DGAT2L6: variants seen among roughly 807,000 people sequenced by gnomAD.
The protein encoded by DGAT2L6 is diacylglycerol O-acyltransferase 2-like protein 6.
A neutral mutation model predicts 25.5 loss-of-function variants in DGAT2L6; 22 were observed. The observed-to-expected ratio is 0.86, with a 90% CI of 0.62 to 1.23. The LOEUF (loss-of-function observed/expected upper bound fraction) is 1.23. Among genes scored for constraint, DGAT2L6 ranks in the 50% most tolerant of loss-of-function variants. The probability of loss-of-function intolerance (pLI) is 0.00; values close to 1 mark genes in which losing one functional copy is unlikely to be tolerated. For missense variants in DGAT2L6, 287 were observed against 253.2 expected (o/e 1.13, Z -0.91); for synonymous variants, 100 against 94.7 (o/e 1.06, Z -0.32).
chrX:70,191,353 T>C (rs988272144), intron 1 of DGAT2L6, among the ~76,000 whole-genome samples: 1 of 111,698 alleles, frequency 9.0e-6, no homozygotes, highest in Non-Finnish European at 1.9e-5. Context: ...CTGGAGCTGA[T>C]GTATACAATG....
intron 1 of DGAT2L6, among the ~76,000 whole-genome samples, chrX:70,193,927 G>C (rs755483723): frequency 2.7e-5 from 3 of 111,707 alleles, no homozygotes; most frequent in Non-Finnish European, 3.8e-5. Context: ...GAAATAAAAG[G>C]CATCTAAATT....
chrX:70,177,667 G>A lies in DGAT2L6; in HGVS notation c.85G>A (p.Gly29Arg). The change falls in exon 1 of 7, where the codon GGA (glycine) becomes AGA (arginine). Residue 29 changes from glycine (G) to arginine (R), a missense_variant and splice_region_variant. By Grantham distance (125) the Gly-to-Arg change is moderately radical. Coordinates refer to ENST00000333026, the MANE Select transcript of DGAT2L6 (RefSeq NM_198512.3). ...LQWIPVYIFL[G>R]AIPILLIPYF... ...ATGGATCCCAGTCTATATATTTTTA[G>A]GTGAGTGAACCCCAAGGGCTGGAGA... 1 of 1,205,025 alleles carries A rather than the reference G, an allele frequency of 8.3e-7. No homozygotes were observed. The highest frequency in any genetic ancestry group is 1.1e-6 in the Non-Finnish European group (1 of 890,390).
intron 5 of DGAT2L6, 29 bp downstream of exon 5, chrX:70,202,093 G>A (rs2085412689): frequency 8.8e-7 from 1 of 1,135,207 alleles, no homozygotes; most frequent in Non-Finnish European, 1.2e-6. Flanking sequence ...GTGCTCTGTT[G>A]TCAGGGTGCC....
At chrX:70,193,708 A>T (rs2085382401) in intron 1 of DGAT2L6, among the ~76,000 whole-genome samples, 1 of 112,130 alleles carries the variant, frequency 8.9e-6, no homozygotes, top group African/African-American at 3.2e-5. Context: ...TCTTTCCATG[A>T]TAAAAACTCT....
chrX:70,204,436 A>G lies in DGAT2L6; in HGVS notation c.779A>G (p.Asn260Ser). ...QDTFKKILGL[N>S]FCTFHGRGFT... is the part of the protein sequence containing the mutation. ...ACATTCAAAAAAATCCTGGGACTAA[A>G]TTTCTGTACCTTCCATGGCCGGGGC... The change falls in exon 6 of 7, where the codon AAT (asparagine) becomes AGT (serine). Residue 260 changes from asparagine (N) to serine (S), a missense_variant. Transcript: ENST00000333026. 1 of 1,211,224 alleles carries G rather than the reference A, an allele frequency of 8.3e-7. No homozygotes were observed. The highest frequency in any genetic ancestry group is 1.1e-6 in the Non-Finnish European group (1 of 895,380).
chrX:70,193,522 T>C (rs1264888438), intron 1 of DGAT2L6, among the ~76,000 whole-genome samples: 2 of 110,815 alleles, frequency 1.8e-5, no homozygotes, highest in African/African-American at 6.6e-5. Context: ...CAAACCAAAT[T>C]CAACAGCACA....
At chrX:70,187,557 A>C (rs1157948767) in intron 1 of DGAT2L6, among the ~76,000 whole-genome samples, 1 of 112,143 alleles carries the variant, frequency 8.9e-6, no homozygotes, top group South Asian at 3.7e-4. Context: ...TTATATTTAT[A>C]GTTAACTTAG....
chrX:70,190,889 T>C (rs2085373581), intron 1 of DGAT2L6, among the ~76,000 whole-genome samples: 1 of 112,184 alleles, frequency 8.9e-6, no homozygotes, highest in Admixed American at 9.4e-5. Flanking sequence ...TCCATGCCCA[T>C]GGAGGCAGGC....
intron 1 of DGAT2L6, among the ~76,000 whole-genome samples, chrX:70,179,562 C>CTTTTTT (rs3084451): frequency 1.1e-4 from 7 of 64,232 alleles, no homozygotes; most frequent in East Asian, 1.1e-3. Flanking sequence ...TCTGAGGCAG[C>CTTTTTT]TTTTTTTTTT....
At chrX:70,201,312 A>G (rs919016920) in intron 4 of DGAT2L6, among the ~76,000 whole-genome samples, 4 of 112,460 alleles carry the variant, frequency 3.6e-5, no homozygotes, top group African/African-American at 9.7e-5. Context: ...GATGGGAGAC[A>G]GAAGTGAGAA....
rs185214455 is a variant in DGAT2L6, at chrX:70,200,956, C to A, written c.472+497C>A. Among the ~76,000 whole-genome samples, 375 of 111,882 alleles carry A rather than the reference C, an allele frequency of 3.4e-3. 1 individual carries two copies. The highest frequency in any genetic ancestry group is 5.0e-3 in the Non-Finnish European group (264 of 53,152). On this transcript the variant is annotated intron_variant, in intron 4 of 6. Transcript: ENST00000333026. ...GTCCATGACTTTTATCTCCCTGGAA[C>A]CCCTTCACACTTGCATAAAATACTA...
At chrX:70,185,660 TC>T (rs2085357222) in intron 1 of DGAT2L6, among the ~76,000 whole-genome samples, 1 of 111,330 alleles carries the variant, frequency 9.0e-6, no homozygotes, top group African/African-American at 3.3e-5. Context: ...TTTACTCCTT[TC>T]ACCCTCCCCT....
chrX:70,203,282 T>C (rs781337762), intron 5 of DGAT2L6, among the ~76,000 whole-genome samples: 3 of 112,501 alleles, frequency 2.7e-5, no homozygotes, highest in East Asian at 5.6e-4. Context: ...AAATCCATTG[T>C]ATTCACTGAT....
Position 70,201,877 on chromosome X carries a change from T to C in DGAT2L6, c.473-13T>C. The C allele has an allele frequency of 8.7e-7, 1 of 1,154,814 alleles. No homozygotes were observed. Among genetic ancestry groups the C allele is most frequent in the South Asian group, 2.1e-5 (1 of 48,155 alleles). On this transcript the variant is annotated splice_polypyrimidine_tract_variant and intron_variant, in intron 4 of 6. Transcript: ENST00000333026. ...ATGAAGTTTTTCTACCACTTGACTCTTTGGTTTCACAGGTGTGTGCCCTGT... is the reference window on the plus strand; with the variant it reads ...ATGAAGTTTTTCTACCACTTGACTCCTTGGTTTCACAGGTGTGTGCCCTGT...
intron 1 of DGAT2L6, among the ~76,000 whole-genome samples, chrX:70,195,464 TCACA>T (rs1256082724): frequency 9.7e-6 from 1 of 103,586 alleles, no homozygotes; most frequent in African/African-American, 3.5e-5. Flanking sequence ...AAAGAAAGTG[TCACA>T]CACACACACA....
chrX:70,201,741 C>A, intron 4 of DGAT2L6, 149 bp from the exon 5 acceptor site: 1 of 642,709 alleles, frequency 1.6e-6, no homozygotes, highest in African/African-American at 2.3e-5. Context: ...GCAGTCATAA[C>A]CCGGGACACG....
chrX:70,200,170 CAT>C, intron 3 of DGAT2L6, 83 bp from the exon 4 acceptor site: 1 of 963,062 alleles, frequency 1.0e-6, no homozygotes. Context: ...CAGAGGGAAA[CAT>C]AGGCTACCTG....
At chrX:70,201,089 C>G (rs1419969569) in intron 4 of DGAT2L6, among the ~76,000 whole-genome samples, 1 of 111,969 alleles carries the variant, frequency 8.9e-6, no homozygotes, top group Non-Finnish European at 1.9e-5. Context: ...AAATAGTCAT[C>G]CTTCTGGACA....
chrX:70,197,615 G>A (rs183633462), intron 1 of DGAT2L6, among the ~76,000 whole-genome samples: 317 of 112,513 alleles, frequency 2.8e-3, no homozygotes, highest in African/African-American at 9.5e-3. Flanking sequence ...TGCTTATTTC[G>A]TTTTCAATTG....
Sources: gnomAD v4.1 joint callset for allele counts (sites outside exome capture counted in the v4.1 genomes callset) on GRCh38, gnomAD v4.1.1 for gene constraint, MANE v1.5 for transcripts, NCBI Gene and HGNC (gene_info 2026-07-23, HGNC 2026-07-21) for gene names.